Variants in QTMAN observed in about 807,000 individuals in gnomAD.
The protein encoded by QTMAN is tRNA-queuosine alpha-mannosyltransferase.
the QTMAN span, among the ~76,000 whole-genome samples, chr2:143,991,499 A>G: frequency 4.6e-4 from 55 of 119,568 alleles, no homozygotes; most frequent in East Asian, 8.5e-4. Context: ...CTGCCCGGCC[A>G]CCCCTACTGG....
the QTMAN span, among the ~76,000 whole-genome samples, chr2:143,947,852 A>G: frequency 6.6e-6 from 1 of 151,526 alleles, no homozygotes; most frequent in South Asian, 2.1e-4. Context: ...ATAAAATTGC[A>G]GGAGGAGGTG....
chr2:144,173,822 G>A, the QTMAN span, among the ~76,000 whole-genome samples: 37 of 152,142 alleles, frequency 2.4e-4, no homozygotes, highest in Non-Finnish European at 1.9e-4. Flanking sequence ...ACTCGCATGG[G>A]AGTGAAGGAG....
At chr2:144,222,794 C>T in the QTMAN span, among the ~76,000 whole-genome samples, 16 of 151,840 alleles carry the variant, frequency 1.1e-4, no homozygotes, top group Admixed American at 8.5e-4. Context: ...GGCGACAGAG[C>T]GAGACTCTGT....
the QTMAN span, among the ~76,000 whole-genome samples, chr2:144,052,110 A>G: frequency 6.6e-6 from 1 of 152,206 alleles, no homozygotes; most frequent in Non-Finnish European, 1.5e-5. Flanking sequence ...GTGCCAGCAC[A>G]TTGTAGGCCC....
the QTMAN span, among the ~76,000 whole-genome samples, chr2:144,013,985 C>T: frequency 3.9e-5 from 6 of 152,146 alleles, no homozygotes; most frequent in Admixed American, 2.6e-4. Flanking sequence ...ATGGCATTCT[C>T]ATGCGTACAC....
the QTMAN span, among the ~76,000 whole-genome samples, chr2:144,332,178 G>A: frequency 0.056 from 4 of 72 alleles, no homozygotes; most frequent in Admixed American, 0.12. Context: ...AAAATGCCAC[G>A]GCGTGACGCC....
the QTMAN span, among the ~76,000 whole-genome samples, chr2:144,330,924 A>C: frequency 0.028 from 4,236 of 152,326 alleles, 192 homozygotes; most frequent in African/African-American, 0.096. Flanking sequence ...TCTGTGATGC[A>C]TAAGATTAAA....
the QTMAN span, among the ~76,000 whole-genome samples, chr2:144,286,045 T>G: frequency 6.6e-6 from 1 of 152,198 alleles, no homozygotes; most frequent in African/African-American, 2.4e-5. Flanking sequence ...TCTTCGCAGC[T>G]TCTCCCTCTC....
the QTMAN span, among the ~76,000 whole-genome samples, chr2:143,989,094 T>C: frequency 1.3e-5 from 2 of 152,118 alleles, no homozygotes; most frequent in African/African-American, 2.4e-5. Context: ...AGATATTCTG[T>C]TTTATTTTTC....
At chr2:144,120,008 T>C in the QTMAN span, among the ~76,000 whole-genome samples, 1 of 152,174 alleles carries the variant, frequency 6.6e-6, no homozygotes. Flanking sequence ...TATATATCAT[T>C]AGGATATTAG....
chr2:143,970,617 T>C, the QTMAN span: 1 of 1,030,846 alleles, frequency 9.7e-7, no homozygotes, highest in South Asian at 1.3e-5. Flanking sequence ...TTATGTCATC[T>C]ATAAAAATAC....
chr2:144,332,771 A>G, the QTMAN span, among the ~76,000 whole-genome samples: 2 of 149,720 alleles, frequency 1.3e-5, no homozygotes, highest in Non-Finnish European at 3.0e-5. Context: ...ACTGCTCCCC[A>G]CCTCCCTGTG....
At chr2:144,190,159 G>A in the QTMAN span, among the ~76,000 whole-genome samples, 1 of 151,988 alleles carries the variant, frequency 6.6e-6, no homozygotes, top group African/African-American at 2.4e-5. Flanking sequence ...ATCTAATCTG[G>A]GGTGGAAAAC....
chr2:144,042,616 C>T, the QTMAN span, among the ~76,000 whole-genome samples: 2 of 151,790 alleles, frequency 1.3e-5, no homozygotes, highest in African/African-American at 4.8e-5. Context: ...AAAAAATTAG[C>T]TGGCGTGGTG....
At chr2:144,177,263 A>C in the QTMAN span, 1 of 665,698 alleles carries the variant, frequency 1.5e-6, no homozygotes, top group Admixed American at 2.5e-5. Flanking sequence ...AAAAAAAAAA[A>C]AAACATTGTT....
At chr2:144,293,590 T>C in the QTMAN span, among the ~76,000 whole-genome samples, 2 of 152,192 alleles carry the variant, frequency 1.3e-5, no homozygotes, top group South Asian at 2.1e-4. Flanking sequence ...ACAGCATGCA[T>C]TTCAAACTGA....
chr2:144,115,500 T>C, the QTMAN span, among the ~76,000 whole-genome samples: 6 of 152,196 alleles, frequency 3.9e-5, no homozygotes, highest in South Asian at 4.1e-4. Flanking sequence ...CTACTAAATG[T>C]AGGCAAGGGC....
chr2:144,144,723 A>G, the QTMAN span, among the ~76,000 whole-genome samples: 1 of 151,946 alleles, frequency 6.6e-6, no homozygotes, highest in Non-Finnish European at 1.5e-5. Context: ...CAGAATTATT[A>G]CTATATAGCC....
the QTMAN span, among the ~76,000 whole-genome samples, chr2:144,226,509 A>G: frequency 1.3e-5 from 2 of 152,136 alleles, no homozygotes; most frequent in Non-Finnish European, 2.9e-5. Context: ...TTTTGCCTAC[A>G]TTGTGATTAT....
Sources: allele counts gnomAD v4.1 joint callset (sites outside exome capture counted in the v4.1 genomes callset), GRCh38; gene constraint gnomAD v4.1.1; transcripts MANE v1.5; gene names NCBI Gene and HGNC (gene_info 2026-07-23, HGNC 2026-07-21).